ABI3BP: variants seen among roughly 807,000 people sequenced by gnomAD.
ABI3BP encodes the protein target of Nesh-SH3.
In ABI3BP, 216 loss-of-function variants were observed where a neutral mutation model predicts 268.6. That is an observed-to-expected ratio of 0.80 (90% CI 0.72 to 0.90). ABI3BP has a LOEUF of 0.90. Among genes scored for constraint, ABI3BP ranks in the 40% least tolerant of loss-of-function variants. The pLI, the probability that ABI3BP is intolerant of heterozygous loss-of-function variation, is 0.00. For missense variants in ABI3BP, 2,090 were observed against 2,182.4 expected (o/e 0.96, Z 0.84); for synonymous variants, 730 against 730.0 (o/e 1.00, Z 0.00).
In ABI3BP at chr3:100,993,312, GCAAT is replaced by G; in HGVS notation, c.69_72del (p.Lys23AsnfsTer22). The G allele has an allele frequency of 6.5e-7, 1 of 1,549,110 alleles. No homozygotes were observed. Among genetic ancestry groups the G allele is most frequent in the Non-Finnish European group, 8.7e-7 (1 of 1,145,260 alleles). On this transcript the variant is annotated frameshift_variant, in exon 1 of 68. Coordinates refer to ENST00000471714, the MANE Select transcript of ABI3BP (RefSeq NM_001375547.2). LOFTEE classifies it high-confidence loss of function. ...AAAACATCAGGCTACTTGCCTTTTGGCAATTTCTGTGCATTTCCCAGGGCTAGTG... is the reference window on the plus strand; with the variant it reads ...AAAACATCAGGCTACTTGCCTTTTGGTTCTGTGCATTTCCCAGGGCTAGTG...
intron 4 of ABI3BP, among the ~76,000 whole-genome samples, chr3:100,894,771 G>C (rs762244317): frequency 3.4e-4 from 52 of 151,318 alleles, no homozygotes; most frequent in South Asian, 1.9e-3. Flanking sequence ...AACCCCACCT[G>C]TACTAAAAAT....
chr3:100,783,031 A>T (rs1054683558), intron 57 of ABI3BP, among the ~76,000 whole-genome samples: 1 of 152,218 alleles, frequency 6.6e-6, no homozygotes, highest in East Asian at 1.9e-4. Context: ...GCAATTTATC[A>T]TCCAAAATGA....
At chr3:100,852,636 G>C (rs1449062846) in intron 14 of ABI3BP, among the ~76,000 whole-genome samples, 1 of 152,120 alleles carries the variant, frequency 6.6e-6, no homozygotes, top group Non-Finnish European at 1.5e-5. Context: ...AGAAACAGCA[G>C]GGCTAAAACC....
At chr3:100,969,509 TA>T (rs576264139) in intron 1 of ABI3BP, among the ~76,000 whole-genome samples, 11 of 152,302 alleles carry the variant, frequency 7.2e-5, no homozygotes, top group South Asian at 4.1e-4. Context: ...GATTTTATTA[TA>T]AACTTGAAAA....
intron 57 of ABI3BP, among the ~76,000 whole-genome samples, chr3:100,783,108 C>T (rs1004088488): frequency 2.0e-5 from 3 of 152,204 alleles, no homozygotes; most frequent in Non-Finnish European, 2.9e-5. Flanking sequence ...AACTGGAAAT[C>T]GGTTCTTAAA....
intron 1 of ABI3BP, among the ~76,000 whole-genome samples, chr3:100,962,480 C>T (rs977838651): frequency 2.0e-5 from 3 of 152,160 alleles, no homozygotes; most frequent in Admixed American, 1.3e-4. Context: ...AAAACATTGT[C>T]CTCATCTGAC....
At chr3:100,810,626 T>G in intron 48 of ABI3BP, 149 bp from the exon 49 acceptor site, 1 of 548,908 alleles carries the variant, frequency 1.8e-6, no homozygotes, top group Non-Finnish European at 3.1e-6. Context: ...TCCTTCATAA[T>G]GCATTTGGTT....
At chr3:100,791,280 A>C (rs552314669) in intron 55 of ABI3BP, among the ~76,000 whole-genome samples, 1 of 152,012 alleles carries the variant, frequency 6.6e-6, no homozygotes, top group African/African-American at 2.4e-5. Context: ...TATTCTCTTT[A>C]AAGTAGGAAA....
At chr3:100,981,480 G>A (rs528679201) in intron 1 of ABI3BP, among the ~76,000 whole-genome samples, 31 of 152,248 alleles carry the variant, frequency 2.0e-4, no homozygotes, top group African/African-American at 6.7e-4. Context: ...AACAAAAAGA[G>A]GGAGTGCAGA....
At chr3:100,864,673 C>T (rs1338555470) in intron 11 of ABI3BP, 160 bp downstream of exon 11, 1 of 607,246 alleles carries the variant, frequency 1.6e-6, no homozygotes, top group Non-Finnish European at 2.9e-6. Context: ...TGGAATCTGT[C>T]CAAGAAAGAG....
At chr3:100,847,165 CA>C (rs912461889) in intron 19 of ABI3BP, among the ~76,000 whole-genome samples, 7 of 151,950 alleles carry the variant, frequency 4.6e-5, no homozygotes, top group Non-Finnish European at 8.8e-5. Context: ...AAACTACTCT[CA>C]AAAAAATTCA....
rs1356043415 is a variant in ABI3BP, at chr3:100,882,725, G to A, written c.696+2811C>T. On this transcript the variant is annotated intron_variant, in intron 6 of 67. Transcript: ENST00000471714. ...AAATTAAATTCCCTGAGAGTAAAAC[G>A]TCAATCATCTTTCCCAATCTTGCTG... is the stretch of plus-strand genomic sequence containing the variant. Among the ~76,000 whole-genome samples, 9 of 152,004 alleles carry A rather than the reference G, an allele frequency of 5.9e-5. 1 individual carries two copies. The South Asian group carries it at 1.2e-3, about 21-fold the overall frequency.
At position 100,849,010 on chromosome 3, in the gene ABI3BP, T is replaced by C. The variant is rs1307527109; in HGVS notation, c.1502-135A>G. On this transcript the variant is annotated intron_variant, in intron 17 of 67. Transcript: ENST00000471714. ...GTATCCTTAGAATGTCCAGTATACC[T>C]TGTTTTATACACAGGAGGTGCTCAA... The C allele has an allele frequency of 1.1e-5, 8 of 724,710 alleles. No homozygotes were observed. The East Asian group carries it at 2.0e-4, about 18-fold the overall frequency. The allele number at this position is 724,710 out of a possible 1,614,324, so 44.9% of individuals were successfully genotyped here.
At chr3:100,848,752 C>T (rs1485234329) in intron 18 of ABI3BP, 49 bp downstream of exon 18, 1 of 1,558,358 alleles carries the variant, frequency 6.4e-7, no homozygotes, top group South Asian at 1.1e-5. Context: ...AGAAAATGGA[C>T]ATTGTCTATC....
chr3:100,982,530 T>C (rs1028146882), intron 1 of ABI3BP, among the ~76,000 whole-genome samples: 1 of 151,606 alleles, frequency 6.6e-6, no homozygotes. Context: ...AAAACCACAG[T>C]TACTTTTGCA....
chr3:100,818,347 A>C (rs897881138), intron 41 of ABI3BP, among the ~76,000 whole-genome samples, 178 bp downstream of exon 41: 4 of 152,226 alleles, frequency 2.6e-5, no homozygotes, highest in African/African-American at 9.6e-5. Context: ...GTTCATGCAC[A>C]GTTCTCTCAA....
At chr3:100,774,506 G>T in intron 61 of ABI3BP, 99 bp downstream of exon 61, 7 of 851,730 alleles carry the variant, frequency 8.2e-6, no homozygotes, top group Non-Finnish European at 1.2e-5. Context: ...ATTATAATAG[G>T]CTACTAAGAT....
chr3:100,863,568 A>G (rs938400064), intron 12 of ABI3BP: 4 of 162,314 alleles, frequency 2.5e-5, no homozygotes, highest in Non-Finnish European at 5.4e-5. Flanking sequence ...CACCTGCCTC[A>G]GCCTCCCAAA....
At chr3:100,931,613 A>G (rs1583849750) in intron 1 of ABI3BP, among the ~76,000 whole-genome samples, 2 of 151,996 alleles carry the variant, frequency 1.3e-5, no homozygotes, top group East Asian at 3.9e-4. Flanking sequence ...ATAGCCACAC[A>G]CACAAAAAAA....
Sources: allele counts gnomAD v4.1 joint callset (sites outside exome capture counted in the v4.1 genomes callset), GRCh38; gene constraint gnomAD v4.1.1; transcripts MANE v1.5; gene names NCBI Gene and HGNC (gene_info 2026-07-23, HGNC 2026-07-21).